CD163: variants seen among roughly 807,000 people sequenced by gnomAD.
CD163 encodes the protein CD163 molecule.
In CD163, 64 loss-of-function variants were observed where a neutral mutation model predicts 129.2. The ratio of observed to expected loss-of-function variants is 0.50; its 90% CI spans 0.41 to 0.61. The LOEUF (loss-of-function observed/expected upper bound fraction) is 0.61, where lower values mean the gene tolerates loss of function less well. Ranked by LOEUF, CD163 falls within the 20% of genes least tolerant of loss-of-function variation. CD163 has a pLI of 0.00. For missense variants in CD163, 1,061 were observed against 1,377.9 expected, an observed-to-expected ratio of 0.77 and a Z score of 3.64; for synonymous variants, 446 against 478.5, an observed-to-expected ratio of 0.93 and a Z score of 0.89.
rs1334523559 is a variant in CD163, at chr12:7,497,063, G to C, written c.849C>G (p.Phe283Leu). 5.6e-6 allele frequency: 9 copies of C among 1,613,988 alleles called. No individual in the cohort carries two copies. In the South Asian group the frequency reaches 9.9e-5, roughly 18 times the overall value. Residue 283 changes from phenylalanine (F) to leucine (L), a missense_variant, in exon 5 of 17, where the codon TTC becomes TTG. Physicochemically the swap from Phe to Leu is conservative, Grantham distance 22. Transcript: ENST00000432237. ...CACATATTGTCCCCCATTCTCCTTG[G>C]AATCTCACTTCTAATCTTCCTGAAC... The part of the protein sequence containing the change: ...TECSGRLEVR[F>L]QGEWGTICDD...
intron 16 of CD163, among the ~76,000 whole-genome samples, chr12:7,474,066 C>T (rs1007157579): frequency 3.9e-5 from 6 of 151,968 alleles, no homozygotes; most frequent in Non-Finnish European, 7.4e-5. Flanking sequence ...ACAGGAGCAC[C>T]CAGATTCATA....
chr12:7,485,876 AG>A lies in CD163; in HGVS notation c.2459-461del. The stretch of plus-strand genomic sequence containing the variant: ...TCTACCAGATTTATGTCATTAAAAT[AG>A]GAATAAATCACTTCTGAGATACAGA... On this transcript the variant is annotated intron_variant, in intron 10 of 16. Coordinates refer to ENST00000432237, the MANE Select transcript of CD163 (RefSeq NM_203416.4). The surrounding 1 kb of genome is among the most constrained non-coding windows in gnomAD (Gnocchi z 4.5). 6.6e-6 allele frequency among the ~76,000 whole-genome samples: 1 copy of A among 152,378 alleles called. No individual in the cohort carries two copies. The highest frequency in any genetic ancestry group is 1.9e-4 in the East Asian group (1 of 5,194).
At chr12:7,481,692 A>G (rs1306275134) in intron 14 of CD163, among the ~76,000 whole-genome samples, 1 of 152,138 alleles carries the variant, frequency 6.6e-6, no homozygotes, top group Non-Finnish European at 1.5e-5. Context: ...TCTTCCTAAA[A>G]GATATCTTGA....
chr12:7,495,359 C>G lies in CD163; in HGVS notation c.1142G>C (p.Arg381Pro). ...LELRLRGGGS[R>P]CAGTVEVEIQ... ...CTCCACCTCAACTGTCCCAGCACAG[C>G]GGCTGCCTCCACCTCTAAGTCTTAG... The change falls in exon 6 of 17, where the codon CGC becomes CCC. Residue 381 changes from arginine (R) to proline (P), a missense_variant. By Grantham distance (103) the Arg-to-Pro change is moderately radical. Coordinates refer to ENST00000432237, the MANE Select transcript of CD163 (RefSeq NM_203416.4). 6.2e-7 allele frequency: 1 copy of G among 1,614,092 alleles called. No individual in the cohort carries two copies. The highest frequency in any genetic ancestry group is 8.5e-7 in the Non-Finnish European group (1 of 1,179,996).
At position 7,483,389 on chromosome 12, in the gene CD163, T is replaced by C. The variant is rs773631588; in HGVS notation, c.3066A>G (p.Glu1022=). Residue 1022 remains glutamate, a synonymous_variant, in exon 12 of 17, where the codon GAA becomes GAG. Transcript: ENST00000432237. ...TACCTGTGCAATTCACTGCAGCGTCTTCCTTGTGCCCACACTCACTATGGC... is the reference window on the plus strand; with the variant it reads ...TACCTGTGCAATTCACTGCAGCGTCCTCCTTGTGCCCACACTCACTATGGC... The part of the protein sequence containing the change: ...RWGHSECGHK[E]DAAVNCTDIS... The C allele has an allele frequency of 1.2e-5, 19 of 1,613,872 alleles. 1 individual carries two copies. In the South Asian group the frequency reaches 2.0e-4, roughly 17 times the overall value.
At position 7,487,568 on chromosome 12, in the gene CD163, A is replaced by G. The variant is rs1234416473; in HGVS notation, c.1841T>C (p.Ile614Thr). ...CTGGCAAAGAACATGGGCATCTTCT[A>G]TGTCCCAGTGAGAGTTACAGAGGGA... ...WGSLCNSHWD[I>T]EDAHVLCQQL... is the part of the protein sequence containing the mutation. The change falls in exon 8 of 17, where the codon ATA (isoleucine) becomes ACA (threonine). Residue 614 changes from isoleucine (I) to threonine (T), a missense_variant. Physicochemically the swap from Ile to Thr is moderately conservative, Grantham distance 89. Transcript: ENST00000432237. This position sits in a 1 kb window ranked among gnomAD's most constrained non-coding sequence, Gnocchi z 5.1. 10 of 1,614,018 alleles carry G rather than the reference A, an allele frequency of 6.2e-6. No individual in the cohort carries two copies. Among genetic ancestry groups the G allele is most frequent in the African/African-American group, 2.7e-5 (2 of 74,910 alleles).
chr12:7,479,315 A>G (rs902364733), intron 16 of CD163, among the ~76,000 whole-genome samples: 13 of 152,110 alleles, frequency 8.5e-5, no homozygotes, highest in African/African-American at 3.1e-4. Flanking sequence ...TACGTTCAAT[A>G]TACGTTTTTG....
At chr12:7,499,248 A>G in intron 3 of CD163, 60 bp from the exon 4 acceptor site, 1 of 1,455,750 alleles carries the variant, frequency 6.9e-7, no homozygotes, top group Non-Finnish European at 9.2e-7. Context: ...GATTTTAGAA[A>G]AGAAGTTTCC....
At position 7,501,301 on chromosome 12, in the gene CD163, T is replaced by G. The variant is rs1200910946; in HGVS notation, c.295A>C (p.Lys99Gln). The G allele has an allele frequency of 1.9e-5, 30 of 1,614,088 alleles. No individual in the cohort carries two copies. Among genetic ancestry groups the G allele is most frequent in the Non-Finnish European group, 2.5e-5 (30 of 1,180,036 alleles). The change falls in exon 3 of 17, where the codon AAA becomes CAA. Residue 99 changes from lysine to glutamine, a missense_variant. Coordinates refer to ENST00000432237, the MANE Select transcript of CD163 (RefSeq NM_203416.4). ...CNQLGCPTAI[K>Q]APGWANSSAG... is the part of the protein sequence containing the mutation. ...CTGGAATTAGCCCATCCAGGGGCTT[T>G]GATAGCAGTTGGACATCCCAGCTGG... is the stretch of plus-strand genomic sequence containing the variant.
intron 4 of CD163, among the ~76,000 whole-genome samples, chr12:7,498,312 C>T (rs1949431211): frequency 6.6e-6 from 1 of 151,946 alleles, no homozygotes; most frequent in Non-Finnish European, 1.5e-5. Flanking sequence ...AACGATTTTC[C>T]CCGCCCCCAG....
At chr12:7,483,231 A>G (rs974253019) in intron 12 of CD163, 136 bp downstream of exon 12, 1 of 864,300 alleles carries the variant, frequency 1.2e-6, no homozygotes, top group Admixed American at 2.8e-5. Context: ...TTCTTTCAGT[A>G]GAGACATTAT....
At chr12:7,488,588 T>G (rs1949288350) in intron 6 of CD163, among the ~76,000 whole-genome samples, 1 of 152,198 alleles carries the variant, frequency 6.6e-6, no homozygotes, top group South Asian at 2.1e-4. Context: ...TGACCCTTCT[T>G]GTCCCATTTT....
intron 12 of CD163, 158 bp from the exon 13 acceptor site, chr12:7,483,162 G>C: frequency 1.2e-6 from 1 of 826,644 alleles, no homozygotes; most frequent in South Asian, 1.7e-5. Context: ...TCTGCACAGG[G>C]AATATAGGTT....
chr12:7,472,569 G>A (rs1318922621), intron 16 of CD163, among the ~76,000 whole-genome samples: 1 of 152,114 alleles, frequency 6.6e-6, no homozygotes, highest in African/African-American at 2.4e-5. Context: ...CCCAACAAAG[G>A]TCATCAGCTC....
intron 6 of CD163, among the ~76,000 whole-genome samples, chr12:7,493,364 C>T (rs1949350869): frequency 6.6e-6 from 1 of 152,132 alleles, no homozygotes; most frequent in Non-Finnish European, 1.5e-5. Flanking sequence ...GATTGGCTTT[C>T]CAAGGAACTC....
intron 16 of CD163, among the ~76,000 whole-genome samples, chr12:7,478,318 A>C (rs370414969): frequency 6.6e-5 from 10 of 152,272 alleles, no homozygotes; most frequent in East Asian, 3.9e-4. Context: ...CACACTTCCA[A>C]AAGCAGTGTT....
Position 7,487,889 on chromosome 12 carries a change from A to T in CD163, c.1619T>A (p.Ile540Asn). ...GAHFGEGNGQ[I>N]WAEEFQCEGH... ...CTCACACTGGAATTCTTCAGCCCAG[A>T]TCTGTCCATTTCCCTCTCCAAAGTG... The change falls in exon 7 of 17, where the codon ATC (isoleucine) becomes AAC (asparagine). Residue 540 changes from isoleucine to asparagine, a missense_variant. By Grantham distance (149) the Ile-to-Asn change is moderately radical. Coordinates refer to ENST00000432237, the MANE Select transcript of CD163 (RefSeq NM_203416.4). The surrounding 1 kb of genome is among the most constrained non-coding windows in gnomAD (Gnocchi z 5.1). 1 of 1,614,110 alleles carries T rather than the reference A, an allele frequency of 6.2e-7. No homozygotes were observed. Among genetic ancestry groups the T allele is most frequent in the Non-Finnish European group, 8.5e-7 (1 of 1,180,022 alleles).
Position 7,483,688 on chromosome 12 carries a change from A to G in CD163, c.2780-13T>C. 1 of 1,594,412 alleles carries G rather than the reference A, an allele frequency of 6.3e-7. No homozygotes were observed. Among genetic ancestry groups the G allele is most frequent in the South Asian group, 1.1e-5 (1 of 88,926 alleles). ...AGTCTTATCTTGTCTGAAAAATCAG[A>G]GACATGTAGCCTATTTCTAAGACTT... On this transcript the variant is annotated splice_polypyrimidine_tract_variant and intron_variant, in intron 11 of 16. Coordinates refer to ENST00000432237, the MANE Select transcript of CD163 (RefSeq NM_203416.4).
At position 7,490,113 on chromosome 12, in the gene CD163, T is replaced by C. The variant is rs980292961; in HGVS notation, c.1421-2026A>G. ...ATTTTAATAGTGATGAACCCAAAAA[T>C]AGAAATATGTATTAGACATAAAACT... is the stretch of plus-strand genomic sequence containing the variant. On this transcript the variant is annotated intron_variant, in intron 6 of 16. Coordinates refer to ENST00000432237, the MANE Select transcript of CD163 (RefSeq NM_203416.4). Among the ~76,000 whole-genome samples the C allele has an allele frequency of 1.3e-4, 20 of 151,958 alleles. 1 individual carries two copies. In the South Asian group the frequency reaches 3.9e-3, roughly 30 times the overall value.
Sources: gnomAD v4.1 joint callset for allele counts (sites outside exome capture counted in the v4.1 genomes callset) on GRCh38, gnomAD v4.1.1 for gene constraint, Gnocchi (gnomAD v3.1) non-coding constraint, MANE v1.5 for transcripts, NCBI Gene and HGNC (gene_info 2026-07-23, HGNC 2026-07-21) for gene names.